Variants in PCDH10 observed in about 807,000 individuals in gnomAD.
The protein encoded by PCDH10 is protocadherin 10.
Under a neutral mutation model 74.4 loss-of-function variants are expected in PCDH10, and 15 were observed. That is an observed-to-expected ratio of 0.20 (90% CI 0.13 to 0.31). The LOEUF is 0.31. Ranked by LOEUF, PCDH10 falls within the 10% of genes least tolerant of loss-of-function variation. The pLI, the probability that PCDH10 is intolerant of heterozygous loss-of-function variation, is 1.00. For synonymous variants in PCDH10, 619 were observed against 589.8 expected (o/e 1.05, Z -0.72); for missense variants, 1,260 against 1,390.2 (o/e 0.91, Z 1.49).
intron 4 of PCDH10, among the ~76,000 whole-genome samples, chr4:133,183,376 T>C (rs184328753): frequency 2.9e-4 from 44 of 152,142 alleles, no homozygotes; most frequent in Admixed American, 3.3e-4. Context: ...CACACATACA[T>C]AGAAATTTCT....
intron 4 of PCDH10, among the ~76,000 whole-genome samples, chr4:133,164,443 C>T (rs1315667856): frequency 6.6e-6 from 1 of 151,888 alleles, no homozygotes; most frequent in Non-Finnish European, 1.5e-5. Context: ...ACTACTGTTT[C>T]ACTTAAACTA....
In PCDH10 at chr4:133,201,130, A is replaced by C. The variant is rs182353542; in HGVS notation, n.438-6946A>C. On this transcript the variant is annotated intron_variant and non_coding_transcript_variant, in intron 2 of 2. Transcript: ENST00000511112. ...TCTCCCAGAGAAATCACATTGAACA[A>C]ACTGCTGCATCACCAAGAGTAAATC... is the stretch of plus-strand genomic sequence containing the variant. 1.3e-3 allele frequency among the ~76,000 whole-genome samples: 194 copies of C among 152,334 alleles called. 1 individual carries two copies. Among genetic ancestry groups the C allele is most frequent in the African/African-American group, 4.5e-3 (188 of 41,572 alleles).
At position 133,154,286 on chromosome 4, in the gene PCDH10, A is replaced by C. The variant is rs1726810895; in HGVS notation, c.2632-21A>C. 1.9e-6 allele frequency: 3 copies of C among 1,569,224 alleles called. No individual in the cohort carries two copies. The East Asian group carries it at 6.7e-5, about 35-fold the overall frequency. On this transcript the variant is annotated intron_variant, in intron 1 of 4. Coordinates refer to ENST00000264360, the MANE Select transcript of PCDH10 (RefSeq NM_032961.3). ...AACCCATAGCATTCAAATGCTCTTG[A>C]TTTATTTATTTTTTTCCTAGACTAA...
At chr4:133,158,925 G>C (rs2125861634) in intron 3 of PCDH10, among the ~76,000 whole-genome samples, 1 of 152,028 alleles carries the variant, frequency 6.6e-6, no homozygotes, top group South Asian at 2.1e-4. Flanking sequence ...AAAGATTATT[G>C]GTAGGGAGAA....
Position 133,152,213 on chromosome 4 carries a change from C to G in PCDH10, c.2073C>G (p.Ser691Arg). 6.3e-7 allele frequency: 1 copy of G among 1,586,950 alleles called. No individual in the cohort carries two copies. Residue 691 changes from serine to arginine, a missense_variant, in exon 1 of 5, where the codon AGC (serine) becomes AGG (arginine). Coordinates refer to ENST00000264360, the MANE Select transcript of PCDH10 (RefSeq NM_032961.3). The stretch of plus-strand genomic sequence containing the variant: ...TGGAGCCCCAGGGCGGGGGCGGGAG[C>G]GGAGGCGGAGGGTCAGGAGAGCACC... ...GAVEPQGGGG[S>R]GGGGSGEHQR...
In PCDH10 at chr4:133,194,427, A is replaced by G. The variant is rs1727749619; in HGVS notation, c.*4267A>G. 6.6e-6 allele frequency: 1 copy of G among 151,826 alleles called. No individual in the cohort carries two copies. Among genetic ancestry groups the G allele is most frequent in the African/African-American group, 2.4e-5 (1 of 41,416 alleles). The allele number at this position is 151,826 out of a possible 1,614,324, so 9.4% of individuals were successfully genotyped here. A position where few individuals can be genotyped will look rare whatever the true frequency, so the allele number is the denominator to read the frequency against. On this transcript the variant is annotated 3_prime_UTR_variant, in exon 5 of 5. Transcript: ENST00000264360. ...AGCAGGGAATTTCAGCTCTAAACAC[A>G]TTTTTGAGACAGTTATCTGTGAGTG...
intron 2 of PCDH10, 116 bp downstream of exon 2, chr4:133,154,481 C>G: frequency 1.6e-6 from 1 of 607,344 alleles, no homozygotes; most frequent in Non-Finnish European, 2.9e-6. Flanking sequence ...TCAATTAAGG[C>G]AGGACATAAA....
intron 4 of PCDH10, among the ~76,000 whole-genome samples, chr4:133,183,182 G>C (rs147872268): frequency 6.6e-6 from 1 of 152,008 alleles, no homozygotes; most frequent in Non-Finnish European, 1.5e-5. Flanking sequence ...TTAATTAGAA[G>C]TATTATTAAA....
At chr4:133,165,120 G>T (rs1366577485) in intron 4 of PCDH10, among the ~76,000 whole-genome samples, 1 of 149,142 alleles carries the variant, frequency 6.7e-6, no homozygotes, top group African/African-American at 2.4e-5. Flanking sequence ...ATGTTGGAAT[G>T]AGTTAGTTTT....
chr4:133,190,464 A>G lies in PCDH10; in HGVS notation c.*304A>G, dbSNP rs1427093633. On this transcript the variant is annotated 3_prime_UTR_variant, in exon 5 of 5. Transcript: ENST00000264360. ...CTCCAAATGTCACTGAGCCCTTTAG[A>G]TGTTTATATTCACCACGAGAAGCCA... is the stretch of plus-strand genomic sequence containing the variant. 3 of 345,754 alleles carry G rather than the reference A, an allele frequency of 8.7e-6. No homozygotes were observed. Among genetic ancestry groups the G allele is most frequent in the Non-Finnish European group, 1.6e-5 (3 of 190,614 alleles). 21.4% of individuals were successfully genotyped at this position (345,754 alleles called of 1,614,324 possible).
At chr4:133,170,551 C>T (rs530443131) in intron 4 of PCDH10, among the ~76,000 whole-genome samples, 20 of 152,044 alleles carry the variant, frequency 1.3e-4, no homozygotes, top group Non-Finnish European at 2.1e-4. Flanking sequence ...TTATATCTAT[C>T]GAACAGACTT....
Position 133,191,824 on chromosome 4 carries a change from T to A in PCDH10, c.*1664T>A, listed in dbSNP as rs1440755902. 1.3e-5 allele frequency: 2 copies of A among 151,702 alleles called. No homozygotes were observed. The highest frequency in any genetic ancestry group is 3.0e-5 in the Non-Finnish European group (2 of 67,722). The allele number at this position is 151,702 out of a possible 1,614,324, so 9.4% of individuals were successfully genotyped here. On this transcript the variant is annotated 3_prime_UTR_variant, in exon 5 of 5. Coordinates refer to ENST00000264360, the MANE Select transcript of PCDH10 (RefSeq NM_032961.3). ...TACTTTCCTTAATTTTTAACTGATC[T>A]TATATTCAATGACAGTTTGAGCTGC...
At chr4:133,180,155 C>T (rs1276564442) in intron 4 of PCDH10, among the ~76,000 whole-genome samples, 2 of 152,050 alleles carry the variant, frequency 1.3e-5, no homozygotes, top group Non-Finnish European at 2.9e-5. Flanking sequence ...GTTTCACCAT[C>T]ACTCCCTGCT....
rs1399573018 is a variant in PCDH10 at position 133,192,809 on chromosome 4, C to T, written c.*2649C>T. On this transcript the variant is annotated 3_prime_UTR_variant, in exon 5 of 5. Coordinates refer to ENST00000264360, the MANE Select transcript of PCDH10 (RefSeq NM_032961.3). Reference sequence around the variant, plus strand: ...TCTTGTAAGTTGGTTAAAATGTTTTCTTCCAATGAGGGGGACTATAAAATG... The same window carrying T: ...TCTTGTAAGTTGGTTAAAATGTTTTTTTCCAATGAGGGGGACTATAAAATG... The T allele has an allele frequency of 6.6e-6, 1 of 151,454 alleles. No individual in the cohort carries two copies. Among genetic ancestry groups the T allele is most frequent in the Admixed American group, 6.6e-5 (1 of 15,168 alleles). 9.4% of individuals were successfully genotyped at this position (151,454 alleles called of 1,614,324 possible).
intron 4 of PCDH10, among the ~76,000 whole-genome samples, chr4:133,175,288 A>G (rs1451018472): frequency 1.3e-5 from 2 of 152,072 alleles, no homozygotes; most frequent in Admixed American, 6.6e-5. Flanking sequence ...AAGCACCATA[A>G]CAATTTAAAA....
chr4:133,206,363 G>A (rs1339402497), intron 2 of PCDH10, among the ~76,000 whole-genome samples: 1 of 152,116 alleles, frequency 6.6e-6, no homozygotes, highest in African/African-American at 2.4e-5. Context: ...CTTAACCGGA[G>A]GGAATAGTTG....
At chr4:133,182,570 A>T (rs1727439214) in intron 4 of PCDH10, among the ~76,000 whole-genome samples, 1 of 152,090 alleles carries the variant, frequency 6.6e-6, no homozygotes, top group Admixed American at 6.6e-5. Flanking sequence ...AACAAATCAC[A>T]ATTTCCATAT....
chr4:133,168,876 T>TA (rs552384888), intron 4 of PCDH10, among the ~76,000 whole-genome samples: 88 of 151,872 alleles, frequency 5.8e-4, no homozygotes, highest in Admixed American at 1.5e-3. Context: ...TTCTAATTTT[T>TA]AAAAAATGTT....
At chr4:133,179,047 A>G (rs1727354921) in intron 4 of PCDH10, among the ~76,000 whole-genome samples, 1 of 152,040 alleles carries the variant, frequency 6.6e-6, no homozygotes, top group Non-Finnish European at 1.5e-5. Flanking sequence ...AGTCATCCTT[A>G]GAATTGAGTT....
Sources: gnomAD v4.1 joint callset for allele counts (sites outside exome capture counted in the v4.1 genomes callset) on GRCh38, gnomAD v4.1.1 for gene constraint, MANE v1.5 for transcripts, NCBI Gene and HGNC (gene_info 2026-07-23, HGNC 2026-07-21) for gene names.